GNB1L: variants seen among roughly 807,000 people sequenced by gnomAD.
The protein encoded by GNB1L is G protein subunit beta 1 like.
A neutral mutation model predicts 29.1 loss-of-function variants in GNB1L; 20 were observed. The ratio of observed to expected loss-of-function variants is 0.69; its 90% confidence interval spans 0.48 to 1.00. GNB1L has a LOEUF of 1.00. Among genes scored for constraint, GNB1L ranks in the 50% least tolerant of loss-of-function variants. The pLI, the probability that GNB1L is intolerant of heterozygous loss-of-function variation, is 0.00. For missense variants in GNB1L, 421 were observed against 464.9 expected, an observed-to-expected ratio of 0.91 and a Z score of 0.87; for synonymous variants, 193 against 206.5, an observed-to-expected ratio of 0.93 and a Z score of 0.56.
chr22:19,852,807 G>A (rs1215183613), intron 2 of GNB1L, among the ~76,000 whole-genome samples: 4 of 152,118 alleles, frequency 2.6e-5, no homozygotes, highest in African/African-American at 9.7e-5. Flanking sequence ...CAGGAGGTTG[G>A]TACTAGCATT....
At chr22:19,851,984 CTGTGGGGTCGGGAGCTGGGCA>C in intron 2 of GNB1L, 2 of 1,614,206 alleles carry the variant, frequency 1.2e-6, no homozygotes, top group South Asian at 2.2e-5. Context: ...GAAGTCCACC[CTGTGGGGTCGGGAGCTGGGCA>C]TGTGCCCAGC....
At chr22:19,800,460 TGAG>T (rs534333087) in intron 7 of GNB1L, among the ~76,000 whole-genome samples, 136 of 152,116 alleles carry the variant, frequency 8.9e-4, no homozygotes, top group South Asian at 3.1e-3. Flanking sequence ...CTGCCAGGCT[TGAG>T]GAGGAGGGAG....
At chr22:19,817,964 G>T (rs1601334433) in intron 4 of GNB1L, among the ~76,000 whole-genome samples, 1 of 152,226 alleles carries the variant, frequency 6.6e-6, no homozygotes, top group African/African-American at 2.4e-5. Context: ...GGCTGAGGGC[G>T]TCCTCCCACC....
At chr22:19,838,666 G>A (rs1937806937) in intron 2 of GNB1L, among the ~76,000 whole-genome samples, 1 of 151,926 alleles carries the variant, frequency 6.6e-6, no homozygotes, top group Non-Finnish European at 1.5e-5. Flanking sequence ...TCACCATGTT[G>A]GCCAGGATGG....
intron 6 of GNB1L, 135 bp from the exon 7 acceptor site, chr22:19,802,351 C>T: frequency 2.9e-6 from 2 of 689,462 alleles, no homozygotes; most frequent in South Asian, 3.6e-5. Context: ...GTGGCTGCCA[C>T]AGCTCAGAAG....
At chr22:19,853,008 C>T (rs914078878) in intron 2 of GNB1L, among the ~76,000 whole-genome samples, 12 of 152,176 alleles carry the variant, frequency 7.9e-5, no homozygotes, top group Non-Finnish European at 8.8e-5. Flanking sequence ...CAGACCGCGT[C>T]GTCATTAGGC....
At chr22:19,836,154 T>C (rs570170901) in intron 2 of GNB1L, among the ~76,000 whole-genome samples, 8 of 152,298 alleles carry the variant, frequency 5.3e-5, no homozygotes, top group African/African-American at 1.7e-4. Flanking sequence ...GATAAATCTC[T>C]AGCTGAACTG....
chr22:19,812,288 G>T lies in GNB1L; in HGVS notation c.414C>A (p.Asp138Glu). 1 of 1,612,158 alleles carries T rather than the reference G, an allele frequency of 6.2e-7. No homozygotes were observed. Among genetic ancestry groups the T allele is most frequent in the Non-Finnish European group, 8.5e-7 (1 of 1,179,454 alleles). Residue 138 changes from aspartate to glutamate, a missense_variant, in exon 5 of 8, where the codon GAC becomes GAA. Physicochemically the swap from Asp to Glu is conservative, Grantham distance 45. Coordinates refer to ENST00000329517, the MANE Select transcript of GNB1L (RefSeq NM_053004.3). ...CCTCAGGCAGGCTGGCTCTCACCTC[G>T]TCGCTGCCCCTCCCTGGCACGGCAA... ...WTLAVPGRGS[D>E]EVQILEMPSK...
At chr22:19,851,256 CCT>C in intron 2 of GNB1L, 8 of 1,608,698 alleles carry the variant, frequency 5.0e-6, no homozygotes, top group Non-Finnish European at 5.9e-6. Context: ...TCCTGGTCTC[CCT>C]CTGTCTCCAA....
intron 2 of GNB1L, among the ~76,000 whole-genome samples, chr22:19,824,831 C>A (rs1172372278): frequency 6.6e-6 from 1 of 152,224 alleles, no homozygotes; most frequent in African/African-American, 2.4e-5. Context: ...TGAAGCAGGG[C>A]TGCGGCAGTG....
At chr22:19,847,917 A>G (rs1938004353) in intron 2 of GNB1L, 1 of 984,266 alleles carries the variant, frequency 1.0e-6, no homozygotes, top group South Asian at 4.7e-5. Flanking sequence ...AGGCACATAC[A>G]TGGCTTTACT....
intron 2 of GNB1L, among the ~76,000 whole-genome samples, chr22:19,841,172 C>A (rs79300543): frequency 2.6e-5 from 4 of 152,140 alleles, no homozygotes; most frequent in African/African-American, 9.7e-5. Context: ...ATTAGTCATG[C>A]GCAGAGCAAG....
intron 5 of GNB1L, among the ~76,000 whole-genome samples, chr22:19,809,720 C>T (rs997143263): frequency 5.3e-5 from 8 of 152,192 alleles, no homozygotes; most frequent in African/African-American, 9.7e-5. Context: ...CTCCATTGCA[C>T]GCCCCGGGAG....
At chr22:19,809,515 T>C (rs964367174) in intron 5 of GNB1L, among the ~76,000 whole-genome samples, 1 of 151,968 alleles carries the variant, frequency 6.6e-6, no homozygotes, top group Admixed American at 6.6e-5. Context: ...AAGGCAAGGG[T>C]CTAATTGAGC....
intron 2 of GNB1L, chr22:19,849,907 C>A: frequency 1.0e-6 from 1 of 985,518 alleles, no homozygotes; most frequent in Non-Finnish European, 1.2e-6. Context: ...GCTCCAGGAG[C>A]TTCCAAGCTC....
chr22:19,791,556 G>A lies in GNB1L; in HGVS notation c.733-2596C>T, dbSNP rs561868610. 7.4e-4 allele frequency among the ~76,000 whole-genome samples: 112 copies of A among 152,358 alleles called. No individual in the cohort carries two copies. The South Asian group carries it at 0.022, about 29-fold the overall frequency. On this transcript the variant is annotated intron_variant, in intron 7 of 7. Transcript: ENST00000329517. ...GAGGAGGCAGAGATCATAATCTGCA[G>A]TAGCCAGAGGGCTGAAATCCATGGG...
Position 19,783,482 on chromosome 22 carries a change from G to A in GNB1L, c.*5227C>T, listed in dbSNP as rs995146772. 2 of 261,656 alleles carry A rather than the reference G, an allele frequency of 7.6e-6. No individual in the cohort carries two copies. The highest frequency in any genetic ancestry group is 1.5e-5 in the Non-Finnish European group (2 of 132,696). 16.2% of individuals were successfully genotyped at this position (261,656 alleles called of 1,614,324 possible). A position where few individuals can be genotyped will look rare whatever the true frequency, so the allele number is the denominator to read the frequency against. ...GGAGGATCACTTGAGCCTATTAGTT[G>A]GAGGCTGCAGTAAGCTATGATCATG... On this transcript the variant is annotated 3_prime_UTR_variant, in exon 8 of 8. Transcript: ENST00000329517.
At chr22:19,847,921 C>T in intron 2 of GNB1L, 2 of 984,274 alleles carry the variant, frequency 2.0e-6, no homozygotes, top group Non-Finnish European at 2.4e-6. Flanking sequence ...ACATACATGG[C>T]TTTACTATTT....
rs1338539925 is a variant in GNB1L, at chr22:19,788,894, T to C, written c.799A>G (p.Ile267Val). Residue 267 changes from isoleucine to valine, a missense_variant, in exon 8 of 8, where the codon ATC (isoleucine) becomes GTC (valine). Coordinates refer to ENST00000329517, the MANE Select transcript of GNB1L (RefSeq NM_053004.3). ...AEVTIRPDRKILATAGWDHRI... is the reference protein window; with the variant it reads ...AEVTIRPDRKVLATAGWDHRI... ...TGGTCCCAGCCTGCGGTGGCCAGGA[T>C]CTTGCGATCTGGCCGGATCGTGACC... The C allele has an allele frequency of 5.6e-6, 9 of 1,612,624 alleles. No individual in the cohort carries two copies. Among genetic ancestry groups the C allele is most frequent in the African/African-American group, 2.7e-5 (2 of 74,928 alleles).
Sources: allele counts gnomAD v4.1 joint callset (sites outside exome capture counted in the v4.1 genomes callset), GRCh38; gene constraint gnomAD v4.1.1; transcripts MANE v1.5; gene names NCBI Gene and HGNC (gene_info 2026-07-23, HGNC 2026-07-21).